Variants in IL1RAPL1 observed in about 807,000 individuals in gnomAD.
IL1RAPL1 encodes interleukin-1 receptor accessory protein-like 1.
A neutral mutation model predicts 48.4 loss-of-function variants in IL1RAPL1; 3 were observed. The observed-to-expected ratio is 0.06, with a 90% CI of 0.03 to 0.16. IL1RAPL1 has a LOEUF of 0.16. Among genes scored for constraint, IL1RAPL1 ranks in the 10% least tolerant of loss-of-function variants. IL1RAPL1 has a pLI of 1.00. For missense variants in IL1RAPL1, 349 were observed against 530.6 expected, an observed-to-expected ratio of 0.66 and a Z score of 3.36; for synonymous variants, 185 against 187.7, an observed-to-expected ratio of 0.99 and a Z score of 0.12.
intron 1 of IL1RAPL1, among the ~76,000 whole-genome samples, chrX:28,600,984 A>T (rs1039647188): frequency 3.6e-5 from 4 of 112,045 alleles, no homozygotes; most frequent in African/African-American, 1.3e-4. Context: ...TTATCCTATA[A>T]AGATTTTCAA....
At chrX:29,033,075 A>G (rs1926656850) in intron 2 of IL1RAPL1, among the ~76,000 whole-genome samples, 1 of 111,990 alleles carries the variant, frequency 8.9e-6, no homozygotes, top group African/African-American at 3.2e-5. Flanking sequence ...AATGAGAGCT[A>G]TAATTAAATT....
At chrX:29,898,329 C>G (rs34802668) in intron 6 of IL1RAPL1, among the ~76,000 whole-genome samples, 7,270 of 111,857 alleles carry the variant, frequency 0.065, 260 homozygotes, top group Admixed American at 0.17. Flanking sequence ...ATCAGACTGA[C>G]CAGGTTGATC....
At chrX:28,860,152 A>C (rs900643917) in intron 2 of IL1RAPL1, among the ~76,000 whole-genome samples, 1 of 111,775 alleles carries the variant, frequency 8.9e-6, no homozygotes, top group Non-Finnish European at 1.9e-5. Flanking sequence ...TTTTCTAGTC[A>C]ATTGTAATGC....
chrX:29,367,552 T>TTTTATTTATTTA (rs35288881), intron 3 of IL1RAPL1, among the ~76,000 whole-genome samples: 109 of 98,524 alleles, frequency 1.1e-3, no homozygotes, highest in South Asian at 4.5e-3. Context: ...TTCTATTTAT[T>TTTTATTTATTTA]TTTATTTATT....
At chrX:29,622,729 A>C (rs752619268) in intron 5 of IL1RAPL1, among the ~76,000 whole-genome samples, 5 of 111,429 alleles carry the variant, frequency 4.5e-5, no homozygotes, top group Admixed American at 9.6e-5. Flanking sequence ...ATCAAATATT[A>C]TATTTATAAT....
intron 5 of IL1RAPL1, among the ~76,000 whole-genome samples, chrX:29,436,933 A>G (rs767492614): frequency 4.5e-5 from 5 of 110,407 alleles, no homozygotes; most frequent in Non-Finnish European, 9.6e-5. Context: ...AATTCTTTAT[A>G]TCTTACGTGA....
chrX:29,222,635 A>G (rs1235990786), intron 2 of IL1RAPL1, among the ~76,000 whole-genome samples: 6 of 111,982 alleles, frequency 5.4e-5, no homozygotes, highest in Non-Finnish European at 1.1e-4. Context: ...GGATACTAAG[A>G]CAGCGGAAAT....
At position 29,014,818 on chromosome X, in the gene IL1RAPL1, C is replaced by G. The variant is rs776456635; in HGVS notation, c.82+225393C>G. ...AAAATAGGCTACATTTATTCCAAAACGAGAATACTTTGAAACTTCTAATGC... is the reference window on the plus strand; with the variant it reads ...AAAATAGGCTACATTTATTCCAAAAGGAGAATACTTTGAAACTTCTAATGC... On this transcript the variant is annotated intron_variant, in intron 2 of 10. Coordinates refer to ENST00000378993, the MANE Select transcript of IL1RAPL1 (RefSeq NM_014271.4). 3.6e-5 allele frequency among the ~76,000 whole-genome samples: 4 copies of G among 111,581 alleles called. No homozygotes were observed. In the South Asian group the frequency reaches 1.5e-3, roughly 41 times the overall value.
At chrX:29,403,620 T>C (rs781101962) in intron 5 of IL1RAPL1, among the ~76,000 whole-genome samples, 1 of 112,032 alleles carries the variant, frequency 8.9e-6, no homozygotes, top group South Asian at 3.7e-4. Flanking sequence ...TATACACATA[T>C]CTATAGATAT....
chrX:28,598,039 G>A (rs1201985108), intron 1 of IL1RAPL1, among the ~76,000 whole-genome samples: 1 of 111,466 alleles, frequency 9.0e-6, no homozygotes, highest in East Asian at 2.8e-4. Flanking sequence ...GTTGAAGGAA[G>A]CAACTGGGAA....
Position 29,745,693 on chromosome X carries a change from C to T in IL1RAPL1, c.778+77189C>T, listed in dbSNP as rs558175326. Among the ~76,000 whole-genome samples, 14 of 109,867 alleles carry T rather than the reference C, an allele frequency of 1.3e-4. No homozygotes were observed. In the South Asian group the frequency reaches 5.5e-3, roughly 43 times the overall value. On this transcript the variant is annotated intron_variant, in intron 6 of 10. Transcript: ENST00000378993. ...AACTCCTGACCGCAGGTGATCCACC[C>T]ACCTCGGCCTCCCAAAGTACTAGGA...
At chrX:28,843,393 A>G (rs978634582) in intron 2 of IL1RAPL1, among the ~76,000 whole-genome samples, 7 of 111,772 alleles carry the variant, frequency 6.3e-5, no homozygotes, top group Admixed American at 9.6e-5. Context: ...TTCTCATATA[A>G]TTAATGAGCT....
chrX:28,768,822 G>GTATATA (rs1215469886), intron 1 of IL1RAPL1, among the ~76,000 whole-genome samples: 2 of 52,801 alleles, frequency 3.8e-5, no homozygotes, highest in African/African-American at 1.6e-4. Flanking sequence ...TAATGTGTGT[G>GTATATA]TGTATATATA....
chrX:29,061,808 ACTGTAGTG>A (rs1331563197), intron 2 of IL1RAPL1, among the ~76,000 whole-genome samples: 1 of 112,506 alleles, frequency 8.9e-6, no homozygotes, highest in Non-Finnish European at 1.9e-5. Context: ...ATGGGTAAGA[ACTGTAGTG>A]CTTTTTGTTG....
intron 5 of IL1RAPL1, among the ~76,000 whole-genome samples, chrX:29,618,055 T>C (rs750017633): frequency 8.9e-6 from 1 of 111,834 alleles, no homozygotes; most frequent in South Asian, 3.7e-4. Flanking sequence ...ATTTACTTAA[T>C]TTCCCAAAGA....
intron 5 of IL1RAPL1, among the ~76,000 whole-genome samples, chrX:29,403,107 G>C (rs1168122256): frequency 8.9e-6 from 1 of 112,078 alleles, no homozygotes; most frequent in Non-Finnish European, 1.9e-5. Flanking sequence ...ACCTCTCTGA[G>C]AGCAGAATGT....
At chrX:29,552,802 C>CTTTTTTTTTTTTTTTTTTTTT (rs765234944) in intron 5 of IL1RAPL1, among the ~76,000 whole-genome samples, 1 of 22,990 alleles carries the variant, frequency 4.3e-5, no homozygotes, top group Non-Finnish European at 7.5e-5. Context: ...TTTCACTCTC[C>CTTTTTTTTTTTTTTTTTTTTT]TTTTTTTTTT....
At chrX:28,724,651 G>T (rs762131971) in intron 1 of IL1RAPL1, among the ~76,000 whole-genome samples, 17 of 110,913 alleles carry the variant, frequency 1.5e-4, no homozygotes, top group African/African-American at 5.2e-4. Context: ...ATGTTATCTG[G>T]TTATTTTGCT....
intron 2 of IL1RAPL1, 108 bp downstream of exon 2, chrX:28,789,533 A>G (rs1280079718): frequency 7.0e-6 from 4 of 571,630 alleles, no homozygotes; most frequent in African/African-American, 6.8e-5. Context: ...AGTTATCAAT[A>G]TTGTGGAGAT....
Sources: allele counts gnomAD v4.1 joint callset (sites outside exome capture counted in the v4.1 genomes callset), GRCh38; gene constraint gnomAD v4.1.1; transcripts MANE v1.5; gene names NCBI Gene and HGNC (gene_info 2026-07-23, HGNC 2026-07-21).